The following TET1 variants were observed in gnomAD, a reference collection of about 807,000 sequenced individuals.
TET1 encodes the protein methylcytosine dioxygenase TET1.
TET1 carries 13 observed loss-of-function variants against 148.7 expected under a neutral mutation model. The ratio of observed to expected loss-of-function variants is 0.09; its 90% confidence interval spans 0.06 to 0.14. The LOEUF is 0.14. TET1 is among the 10% of genes least tolerant of loss of function. TET1 has a pLI of 1.00. For missense variants in TET1, 2,182 were observed against 2,553.8 expected (o/e 0.85, Z 3.14); for synonymous variants, 907 against 937.2 (o/e 0.97, Z 0.59).
chr10:68,661,881 T>TTTC (rs796184946), intron 6 of TET1, among the ~76,000 whole-genome samples: 2 of 736 alleles, frequency 2.7e-3, no homozygotes, highest in East Asian at 0.12. Flanking sequence ...ATTTTTTTTC[T>TTTC]TTTTTTTTTT....
intron 8 of TET1, among the ~76,000 whole-genome samples, chr10:68,679,225 A>T (rs1297556740): frequency 6.6e-6 from 1 of 152,184 alleles, no homozygotes; most frequent in African/African-American, 2.4e-5. Flanking sequence ...ACCAACAGTG[A>T]ACTGTACAAA....
intron 8 of TET1, chr10:68,673,252 A>C: frequency 3.8e-6 from 1 of 265,002 alleles, no homozygotes; most frequent in Non-Finnish European, 6.9e-6. Context: ...ATCTCCCCAA[A>C]TTCCAATTGT....
chr10:68,594,138 C>T (rs1415598360), intron 2 of TET1, among the ~76,000 whole-genome samples: 1 of 151,856 alleles, frequency 6.6e-6, no homozygotes, highest in African/African-American at 2.4e-5. Flanking sequence ...GTTGGCCAGG[C>T]TGGTCTCAAA....
rs757251233 is a variant in TET1, at chr10:68,691,750, A to G, written c.6347A>G (p.Asn2116Ser). 9.3e-6 allele frequency: 15 copies of G among 1,613,868 alleles called. No individual in the cohort carries two copies. The highest frequency in any genetic ancestry group is 2.7e-5 in the African/African-American group (2 of 74,910). The change falls in exon 12 of 12, where the codon AAT becomes AGT. Residue 2116 changes from asparagine (N) to serine (S), a missense_variant. Transcript: ENST00000373644. The surrounding 1 kb of genome is among the most constrained non-coding windows in gnomAD (Gnocchi z 4.4). ...SHKALTLTHD[N>S]VVTVSPYALT... ...AAAGCATTAACATTAACCCATGACA[A>G]TGTTGTCACCGTGTCCCCTTATGCT...
chr10:68,667,167 A>C lies in TET1; in HGVS notation c.4584A>C (p.Pro1528=). ...LIMVWDGIPL[P]MADRLYTELT... Reference sequence around the variant, plus strand: ...TGGTGTGGGATGGCATCCCTCTTCCAATGGCCGACCGGCTATACACAGAGC... The same window carrying C: ...TGGTGTGGGATGGCATCCCTCTTCCCATGGCCGACCGGCTATACACAGAGC... Residue 1528 remains proline (P), a synonymous_variant, in exon 7 of 12, where the codon CCA becomes CCC. Transcript: ENST00000373644. 6.2e-7 allele frequency: 1 copy of C among 1,614,148 alleles called. No individual in the cohort carries two copies. The highest frequency in any genetic ancestry group is 8.5e-7 in the Non-Finnish European group (1 of 1,180,032).
At chr10:68,568,217 C>CTTTT (rs566751115) in intron 1 of TET1, among the ~76,000 whole-genome samples, 3 of 93,810 alleles carry the variant, frequency 3.2e-5, no homozygotes, top group Non-Finnish European at 6.2e-5. Flanking sequence ...CGCGCCCAGT[C>CTTTT]TTTTTTTTTT....
At chr10:68,640,389 G>T (rs1169232848) in intron 3 of TET1, among the ~76,000 whole-genome samples, 1 of 147,076 alleles carries the variant, frequency 6.8e-6, no homozygotes, top group Non-Finnish European at 1.5e-5. Context: ...TCAGCCTTCC[G>T]AGTTGCTGGG....
intron 3 of TET1, among the ~76,000 whole-genome samples, chr10:68,633,108 C>T (rs563230829): frequency 2.8e-4 from 43 of 152,106 alleles, no homozygotes; most frequent in East Asian, 7.7e-4. Context: ...CACTTGAACC[C>T]AGGAGGTGGA....
intron 1 of TET1, among the ~76,000 whole-genome samples, chr10:68,563,503 T>C (rs2053575991): frequency 6.6e-6 from 1 of 152,260 alleles, no homozygotes; most frequent in Non-Finnish European, 1.5e-5. Context: ...TGTATGCAAA[T>C]ACCACGTTTT....
chr10:68,625,032 C>A (rs531167745), intron 3 of TET1, among the ~76,000 whole-genome samples: 18 of 152,156 alleles, frequency 1.2e-4, no homozygotes, highest in Non-Finnish European at 2.6e-4. Flanking sequence ...GTGCGCCCGG[C>A]TTCTTTTTCT....
In TET1 at chr10:68,645,996, G is replaced by C. The variant is rs370462813; in HGVS notation, c.3267G>C (p.Lys1089Asn). The change falls in exon 4 of 12, where the codon AAG becomes AAC. Residue 1089 changes from lysine (K) to asparagine (N), a missense_variant. By Grantham distance (94) the Lys-to-Asn change is moderately conservative (BLOSUM62 0). Coordinates refer to ENST00000373644, the MANE Select transcript of TET1 (RefSeq NM_030625.3). ...TGACACAACTTGCTTCGATAATTAA[G>C]ATCAATTATATAAAACCAGAGGACA... Reference protein sequence around the residue: ...TQLTQLASIIKINYIKPEDKK... With the variant: ...TQLTQLASIININYIKPEDKK... 5 of 1,613,870 alleles carry C rather than the reference G, an allele frequency of 3.1e-6. No individual in the cohort carries two copies. Among genetic ancestry groups the C allele is most frequent in the African/African-American group, 2.7e-5 (2 of 74,866 alleles).
intron 2 of TET1, among the ~76,000 whole-genome samples, chr10:68,591,070 G>C (rs2053913732): frequency 6.6e-6 from 1 of 151,976 alleles, no homozygotes; most frequent in Non-Finnish European, 1.5e-5. Context: ...GGTCAGGCTG[G>C]TCTCGAACTC....
chr10:68,683,439 C>T (rs1297559002), intron 10 of TET1, among the ~76,000 whole-genome samples: 3 of 152,134 alleles, frequency 2.0e-5, no homozygotes, highest in African/African-American at 4.8e-5. Flanking sequence ...CGACCACACC[C>T]GGATAATTTT....
chr10:68,574,591 G>C (rs1391031314), intron 2 of TET1, among the ~76,000 whole-genome samples: 1 of 152,126 alleles, frequency 6.6e-6, no homozygotes, highest in Non-Finnish European at 1.5e-5. Flanking sequence ...GCCTCTTTTG[G>C]CTAGTTGCAT....
intron 1 of TET1, among the ~76,000 whole-genome samples, chr10:68,570,084 T>G (rs1400805870): frequency 6.6e-6 from 1 of 152,026 alleles, no homozygotes; most frequent in East Asian, 1.9e-4. Flanking sequence ...GTAGTGAACA[T>G]AGTACCCAAA....
chr10:68,621,193 T>C (rs2054365065), intron 3 of TET1, among the ~76,000 whole-genome samples: 1 of 152,162 alleles, frequency 6.6e-6, no homozygotes, highest in Admixed American at 6.6e-5. Context: ...CCCAGCAATT[T>C]GGGAAGCCAA....
chr10:68,692,485 A>G lies in TET1; in HGVS notation c.*671A>G. 4.3e-6 allele frequency: 1 copy of G among 232,090 alleles called. No individual in the cohort carries two copies. The highest frequency in any genetic ancestry group is 2.2e-5 in the African/African-American group (1 of 45,406). 14.4% of individuals were successfully genotyped at this position (232,090 alleles called of 1,614,324 possible). On this transcript the variant is annotated 3_prime_UTR_variant, in exon 12 of 12. Coordinates refer to ENST00000373644, the MANE Select transcript of TET1 (RefSeq NM_030625.3). ...TGAAATAATATAGTATAAGAATCCT[A>G]TTGTCTATTGTTTGTGCATATTTGC...
chr10:68,670,236 A>G (rs1303466548), intron 7 of TET1, among the ~76,000 whole-genome samples: 1 of 152,168 alleles, frequency 6.6e-6, no homozygotes, highest in East Asian at 1.9e-4. Context: ...CCATTTCCCA[A>G]TAATTTTCCC....
At chr10:68,617,650 A>AT (rs1430921726) in intron 3 of TET1, among the ~76,000 whole-genome samples, 11 of 151,936 alleles carry the variant, frequency 7.2e-5, no homozygotes, top group Admixed American at 7.2e-4. Flanking sequence ...GGTTCAAGCG[A>AT]TTCTCCTGCT....
Sources: allele counts gnomAD v4.1 joint callset (sites outside exome capture counted in the v4.1 genomes callset), GRCh38; gene constraint gnomAD v4.1.1; non-coding constraint Gnocchi (gnomAD v3.1); transcripts MANE v1.5; gene names NCBI Gene and HGNC (gene_info 2026-07-23, HGNC 2026-07-21).